SRP72: variants seen among roughly 807,000 people sequenced by gnomAD.
SRP72 encodes signal recognition particle subunit SRP72.
SRP72 carries 49 observed loss-of-function variants against 96.3 expected under a neutral mutation model. The observed-to-expected ratio is 0.51, with a 90% CI of 0.40 to 0.65. The LOEUF (loss-of-function observed/expected upper bound fraction) is 0.65. Among genes scored for constraint, SRP72 ranks in the 30% least tolerant of loss-of-function variants. The probability of loss-of-function intolerance (pLI) is 0.00; values close to 1 mark genes in which losing one functional copy is unlikely to be tolerated. For missense variants in SRP72, 736 were observed against 793.3 expected (o/e 0.93, Z 0.87); for synonymous variants, 267 against 275.2 (o/e 0.97, Z 0.30).
chr4:56,492,428 C>T (rs756869085), intron 16 of SRP72, among the ~76,000 whole-genome samples: 3 of 152,244 alleles, frequency 2.0e-5, no homozygotes, highest in African/African-American at 7.2e-5. Context: ...TTAGCAGAGA[C>T]CTACAGTAAA....
At chr4:56,486,729 G>A (rs1297136036) in intron 11 of SRP72, among the ~76,000 whole-genome samples, 1 of 152,110 alleles carries the variant, frequency 6.6e-6, no homozygotes, top group Non-Finnish European at 1.5e-5. Flanking sequence ...TCCGTCACTT[G>A]GTAATATTTG....
At chr4:56,497,013 A>G (rs1366351931) in intron 17 of SRP72, among the ~76,000 whole-genome samples, 1 of 152,116 alleles carries the variant, frequency 6.6e-6, no homozygotes, top group African/African-American at 2.4e-5. Context: ...GCATGCTCCC[A>G]GAGACAATTA....
intron 2 of SRP72, among the ~76,000 whole-genome samples, chr4:56,470,306 C>A (rs1354304241): frequency 6.6e-6 from 1 of 151,988 alleles, no homozygotes; most frequent in Non-Finnish European, 1.5e-5. Flanking sequence ...TGTGGGAGGC[C>A]TAAGAGGGCG....
At chr4:56,468,930 G>A (rs79351845) in intron 1 of SRP72, among the ~76,000 whole-genome samples, 2,486 of 152,240 alleles carry the variant, frequency 0.016, 70 homozygotes, top group African/African-American at 0.057. Context: ...AGTTGCACAG[G>A]AGCAAGAGTA....
At chr4:56,495,219 T>A in intron 16 of SRP72, 138 bp from the exon 17 acceptor site, 1 of 458,178 alleles carries the variant, frequency 2.2e-6, no homozygotes, top group Admixed American at 4.2e-5. Flanking sequence ...TTAACTAATT[T>A]GTTAGCTTTG....
intron 1 of SRP72, among the ~76,000 whole-genome samples, chr4:56,469,322 G>A (rs896591410): frequency 6.6e-6 from 1 of 152,120 alleles, no homozygotes; most frequent in Non-Finnish European, 1.5e-5. Flanking sequence ...GTAGAATGTA[G>A]CATGCATTTC....
intron 16 of SRP72, among the ~76,000 whole-genome samples, chr4:56,494,815 A>C (rs1032133651): frequency 6.6e-6 from 1 of 152,172 alleles, no homozygotes; most frequent in Non-Finnish European, 1.5e-5. Context: ...AAAATTAATA[A>C]ACTCACAGGT....
Position 56,479,751 on chromosome 4 carries a change from G to A in SRP72, c.825+1102G>A, listed in dbSNP as rs141849835. Among the ~76,000 whole-genome samples the A allele has an allele frequency of 7.1e-3, 1,086 of 152,088 alleles. 19 individuals carry two copies. Among genetic ancestry groups the A allele is most frequent in the African/African-American group, 0.025 (1,038 of 41,488 alleles). On this transcript the variant is annotated intron_variant, in intron 8 of 18. Transcript: ENST00000642900. ...CCTGCCTCAGCCTCCCAAATTGCTG[G>A]GATTCCAGGGGTGAGCGACCACACC...
At chr4:56,469,967 A>T in intron 2 of SRP72, among the ~76,000 whole-genome samples, 194 bp downstream of exon 2, 1 of 130,966 alleles carries the variant, frequency 7.6e-6, no homozygotes, top group Admixed American at 8.5e-5. Context: ...TTTCAGCCTT[A>T]GAGAGTTTTT....
At position 56,503,339 on chromosome 4, in the gene SRP72, CTG is replaced by C. The variant is rs1027328253; in HGVS notation, c.*1480_*1481del. On this transcript the variant is annotated 3_prime_UTR_variant, in exon 19 of 19. Coordinates refer to ENST00000642900, the MANE Select transcript of SRP72 (RefSeq NM_006947.4). ...AATATATACCCCATTATAGGAATAA[CTG>C]TTACTTATTTAGGATTCCATCATTG... 25 of 152,198 alleles carry C rather than the reference CTG, an allele frequency of 1.6e-4. No homozygotes were observed. Among genetic ancestry groups the C allele is most frequent in the African/African-American group, 4.6e-4 (19 of 41,522 alleles). The allele number at this position is 152,198 out of a possible 1,614,324, so 9.4% of individuals were successfully genotyped here. A position where few individuals can be genotyped will look rare whatever the true frequency, so the allele number is the denominator to read the frequency against.
chr4:56,467,890 C>T, intron 1 of SRP72, 146 bp downstream of exon 1: 1 of 838,458 alleles, frequency 1.2e-6, no homozygotes, highest in South Asian at 2.4e-5. Flanking sequence ...GGCTCGGGCC[C>T]TAGCGCCCGG....
chr4:56,489,374 CT>C lies in SRP72; in HGVS notation c.1225-11del. 6.6e-7 allele frequency: 1 copy of C among 1,518,728 alleles called. No homozygotes were observed. The highest frequency in any genetic ancestry group is 1.2e-5 in the South Asian group (1 of 80,196). The allele number at this position is 1,518,728 out of a possible 1,614,324, so 94.1% of individuals were successfully genotyped here. On this transcript the variant is annotated splice_polypyrimidine_tract_variant and intron_variant, in intron 12 of 18. Coordinates refer to ENST00000642900, the MANE Select transcript of SRP72 (RefSeq NM_006947.4). ...GAAGGGGGAGTTCACTAATTTATAC[CT>C]TTGGCTGTGTAGGTATCTGCATTAG...
chr4:56,484,300 C>G (rs1720622440), intron 9 of SRP72, among the ~76,000 whole-genome samples: 1 of 151,878 alleles, frequency 6.6e-6, no homozygotes, highest in Non-Finnish European at 1.5e-5. Flanking sequence ...TCTCAAAGTC[C>G]TGGGATTACA....
rs1721321498 is a variant in SRP72 at position 56,503,030 on chromosome 4, A to G, written c.*1169A>G. The G allele has an allele frequency of 6.6e-6, 1 of 152,152 alleles. No individual in the cohort carries two copies. Among genetic ancestry groups the G allele is most frequent in the Admixed American group, 6.6e-5 (1 of 15,266 alleles). 9.4% of individuals were successfully genotyped at this position (152,152 alleles called of 1,614,324 possible). On this transcript the variant is annotated 3_prime_UTR_variant, in exon 19 of 19. Transcript: ENST00000642900. The stretch of plus-strand genomic sequence containing the variant: ...GATATCATTTAATTTAGACTTAACA[A>G]GTATTTCCTTGTGATTATATTACTC...
intron 11 of SRP72, among the ~76,000 whole-genome samples, chr4:56,487,334 A>G (rs1720749730): frequency 6.6e-6 from 1 of 151,992 alleles, no homozygotes; most frequent in South Asian, 2.1e-4. Context: ...CAATTCTCAC[A>G]TTTCTTTGCT....
At chr4:56,469,503 T>C in intron 1 of SRP72, 150 bp from the exon 2 acceptor site, 1 of 607,266 alleles carries the variant, frequency 1.6e-6, no homozygotes, top group Non-Finnish European at 2.6e-6. Context: ...TGTTTTGTTT[T>C]GTTGCTGTTT....
chr4:56,476,774 A>G lies in SRP72; in HGVS notation c.642+72A>G, dbSNP rs1185950729. On this transcript the variant is annotated intron_variant, in intron 6 of 18. Transcript: ENST00000642900. ...TGATAGATTACTGAGGCTTCATTGT[A>G]CTATTTATTGACTTTTTTTAGAAGA... 9.3e-6 allele frequency: 14 copies of G among 1,509,172 alleles called. No homozygotes were observed. In the East Asian group the frequency reaches 3.2e-4, roughly 34 times the overall value. 93.5% of individuals were successfully genotyped at this position (1,509,172 alleles called of 1,614,324 possible).
intron 6 of SRP72, 97 bp downstream of exon 6, chr4:56,476,799 A>G (rs1167397295): frequency 5.6e-6 from 7 of 1,245,894 alleles, no homozygotes; most frequent in Non-Finnish European, 8.0e-6. Flanking sequence ...TTTTTAGAAG[A>G]TGGCAATTCA....
intron 3 of SRP72, among the ~76,000 whole-genome samples, chr4:56,473,234 CG>C (rs1720049563): frequency 6.6e-6 from 1 of 151,850 alleles, no homozygotes; most frequent in Non-Finnish European, 1.5e-5. Flanking sequence ...CCAAGGCGGG[CG>C]GATCATGAGG....
Sources: allele counts gnomAD v4.1 joint callset (sites outside exome capture counted in the v4.1 genomes callset), GRCh38; gene constraint gnomAD v4.1.1; transcripts MANE v1.5; gene names NCBI Gene and HGNC (gene_info 2026-07-23, HGNC 2026-07-21).